Variants in TPH2 observed in about 807,000 individuals in gnomAD.
TPH2 encodes tryptophan hydroxylase 2.
Under a neutral mutation model 59.1 loss-of-function variants are expected in TPH2, and 27 were observed. The ratio of observed to expected loss-of-function variants is 0.46; its 90% CI spans 0.34 to 0.63. The LOEUF is 0.63. TPH2 is among the 30% of genes least tolerant of loss of function. TPH2 has a pLI of 0.01. For missense variants in TPH2, 523 were observed against 588.3 expected (o/e 0.89, Z 1.15); for synonymous variants, 220 against 210.5 (o/e 1.05, Z -0.39).
chr12:71,955,917 CAACA>C (rs1303233980), intron 5 of TPH2, among the ~76,000 whole-genome samples: 3 of 152,148 alleles, frequency 2.0e-5, no homozygotes, highest in Non-Finnish European at 2.9e-5. Flanking sequence ...CACCTTAAAA[CAACA>C]AACATTTATT....
At chr12:71,994,795 C>T (rs1465127123) in intron 8 of TPH2, among the ~76,000 whole-genome samples, 1 of 152,080 alleles carries the variant, frequency 6.6e-6, no homozygotes, top group East Asian at 1.9e-4. Context: ...AGATAAAGGG[C>T]TAGATAGTAA....
At chr12:71,942,605 T>G (rs551224756) in intron 2 of TPH2, among the ~76,000 whole-genome samples, 1 of 152,182 alleles carries the variant, frequency 6.6e-6, no homozygotes, top group Non-Finnish European at 1.5e-5. Flanking sequence ...TAGGTTCAAT[T>G]TCTTTATTTG....
At chr12:71,986,494 A>G (rs952778503) in intron 7 of TPH2, among the ~76,000 whole-genome samples, 4 of 152,226 alleles carry the variant, frequency 2.6e-5, no homozygotes, top group African/African-American at 9.6e-5. Context: ...CATTTTTAAA[A>G]AATCATATAC....
intron 5 of TPH2, among the ~76,000 whole-genome samples, chr12:71,972,223 C>T (rs528430095): frequency 6.6e-6 from 1 of 152,292 alleles, no homozygotes; most frequent in South Asian, 2.1e-4. Flanking sequence ...TTCCTTCCAA[C>T]CCGTAACTAT....
At position 72,028,286 on chromosome 12, in the gene TPH2, A is replaced by G. The variant is rs376043414; in HGVS notation, c.1165-2972A>G. The stretch of plus-strand genomic sequence containing the variant: ...AATCACTGCAGAGTTCCCTGGGGAC[A>G]TCAAGTAGTTTGGTTCAATGTTTAC... On this transcript the variant is annotated intron_variant, in intron 9 of 10. Coordinates refer to ENST00000333850, the MANE Select transcript of TPH2 (RefSeq NM_173353.4). Among the ~76,000 whole-genome samples the G allele has an allele frequency of 2.0e-5, 3 of 152,328 alleles. No homozygotes were observed. The East Asian group carries it at 5.8e-4, about 29-fold the overall frequency.
chr12:72,031,667 A>G lies in TPH2; in HGVS notation c.1445A>G (p.Asn482Ser). Residue 482 changes from asparagine (N) to serine (S), a missense_variant, in exon 11 of 11, where the codon AAC (asparagine) becomes AGC (serine). Transcript: ENST00000333850. ...TTGAATACAGTGTGTGATGCTTTAA[A>G]CAAAATGAACCAATATCTGGGGATT... is the stretch of plus-strand genomic sequence containing the variant. ...SDLNTVCDAL[N>S]KMNQYLGI 1 of 1,613,540 alleles carries G rather than the reference A, an allele frequency of 6.2e-7. No homozygotes were observed. The highest frequency in any genetic ancestry group is 8.5e-7 in the Non-Finnish European group (1 of 1,179,502).
At chr12:71,985,512 C>A (rs1409121319) in intron 7 of TPH2, among the ~76,000 whole-genome samples, 3 of 152,128 alleles carry the variant, frequency 2.0e-5, no homozygotes, top group Non-Finnish European at 4.4e-5. Context: ...GATTCTCCTG[C>A]CTCAGCCTCC....
chr12:71,948,800 T>C (rs886145165), intron 4 of TPH2, among the ~76,000 whole-genome samples: 10 of 152,184 alleles, frequency 6.6e-5, no homozygotes, highest in African/African-American at 1.2e-4. Context: ...CTGGAAAGAA[T>C]TGATTGTCTG....
intron 5 of TPH2, among the ~76,000 whole-genome samples, chr12:71,968,761 G>T (rs929931822): frequency 6.6e-6 from 1 of 152,204 alleles, no homozygotes; most frequent in South Asian, 2.1e-4. Flanking sequence ...GGTGGATGAG[G>T]TCTGGGGAGA....
intron 5 of TPH2, among the ~76,000 whole-genome samples, chr12:71,968,895 CT>C (rs886532632): frequency 2.0e-5 from 3 of 151,320 alleles, no homozygotes; most frequent in African/African-American, 7.3e-5. Context: ...ATGTGGAGTC[CT>C]TACGTAACTT....
chr12:72,010,560 T>C (rs1362154724), intron 8 of TPH2, among the ~76,000 whole-genome samples: 1 of 152,116 alleles, frequency 6.6e-6, no homozygotes, highest in Admixed American at 6.6e-5. Context: ...AGAATGACTC[T>C]CCCTGCCAAA....
chr12:71,942,626 T>A (rs73340805), intron 2 of TPH2, among the ~76,000 whole-genome samples: 6,276 of 152,238 alleles, frequency 0.041, 366 homozygotes, highest in African/African-American at 0.13. Flanking sequence ...TAAAATTGCA[T>A]TAATAATTCC....
chr12:71,971,937 T>C (rs144737395), intron 5 of TPH2, among the ~76,000 whole-genome samples: 2 of 152,216 alleles, frequency 1.3e-5, no homozygotes, highest in African/African-American at 4.8e-5. Flanking sequence ...GGGGGCTTAA[T>C]GTGTGTATCT....
intron 1 of TPH2, among the ~76,000 whole-genome samples, chr12:71,939,395 CAAAAAA>C (rs5799057): frequency 1.6e-5 from 2 of 121,664 alleles, no homozygotes; most frequent in Middle Eastern, 4.5e-3. Context: ...AATCTACAGC[CAAAAAA>C]AAAAAAAAAA....
chr12:72,010,732 G>A (rs886535403), intron 8 of TPH2, among the ~76,000 whole-genome samples: 1 of 152,106 alleles, frequency 6.6e-6, no homozygotes, highest in Admixed American at 6.6e-5. Context: ...CCTCTAAAAG[G>A]CAGTGGTGAC....
At position 71,963,485 on chromosome 12, in the gene TPH2, G is replaced by A. The variant is rs537778446; in HGVS notation, c.609-9034G>A. 1.1e-4 allele frequency among the ~76,000 whole-genome samples: 4 copies of A among 37,350 alleles called. 2 individuals are homozygous for A. The Admixed American group carries it at 1.1e-3, about 11-fold the overall frequency. The allele number at this position is 37,350 out of a possible 152,430, so 24.5% of individuals were successfully genotyped here. ...ATGTATATACACACATATATGTACT[G>A]CCCAAGAGGCCACATGTTTTCGTTT... On this transcript the variant is annotated intron_variant, in intron 5 of 10. Coordinates refer to ENST00000333850, the MANE Select transcript of TPH2 (RefSeq NM_173353.4).
chr12:71,973,263 T>C (rs564931155), intron 6 of TPH2, among the ~76,000 whole-genome samples: 3 of 152,194 alleles, frequency 2.0e-5, no homozygotes, highest in African/African-American at 7.2e-5. Flanking sequence ...CAGGATGAGA[T>C]AGGAGGTCAG....
intron 5 of TPH2, 139 bp from the exon 6 acceptor site, chr12:71,972,380 A>G (rs1190616377): frequency 2.1e-5 from 17 of 812,300 alleles, no homozygotes; most frequent in Non-Finnish European, 3.4e-5. Context: ...GCTTTAAAAA[A>G]TAATACTTAA....
chr12:72,016,732 A>T (rs1165005007), intron 8 of TPH2, among the ~76,000 whole-genome samples: 1 of 152,178 alleles, frequency 6.6e-6, no homozygotes, highest in East Asian at 1.9e-4. Context: ...GGCGATAGGG[A>T]AAATATATCA....
Sources: allele counts gnomAD v4.1 joint callset (sites outside exome capture counted in the v4.1 genomes callset), GRCh38; gene constraint gnomAD v4.1.1; transcripts MANE v1.5; gene names NCBI Gene and HGNC (gene_info 2026-07-23, HGNC 2026-07-21).